Variants in TNIK observed in about 807,000 individuals in gnomAD.
TNIK encodes TRAF2 and NCK-interacting protein kinase.
Under a neutral mutation model 191.3 loss-of-function variants are expected in TNIK, and 49 were observed. The observed-to-expected ratio is 0.26, with a 90% CI of 0.20 to 0.32. TNIK has a LOEUF of 0.32. TNIK is among the 10% of genes least tolerant of loss of function. The pLI, the probability that TNIK is intolerant of heterozygous loss-of-function variation, is 1.00. For synonymous variants in TNIK, 594 were observed against 600.9 expected, an observed-to-expected ratio of 0.99 and a Z score of 0.17; for missense variants, 1,155 against 1,702.3, an observed-to-expected ratio of 0.68 and a Z score of 5.66.
intron 22 of TNIK, among the ~76,000 whole-genome samples, chr3:171,096,122 ACTTTT>A (rs1211445963): frequency 2.6e-5 from 4 of 152,176 alleles, no homozygotes; most frequent in African/African-American, 9.7e-5. Context: ...GAGGGCAGCC[ACTTTT>A]CTTATTTATC....
chr3:171,426,931 T>A (rs1724713161), intron 1 of TNIK, among the ~76,000 whole-genome samples: 1 of 152,014 alleles, frequency 6.6e-6, no homozygotes, highest in South Asian at 2.1e-4. Flanking sequence ...AACAAACCAA[T>A]GAGCAAATGG....
Position 171,145,465 on chromosome 3 carries a change from T to C in TNIK, c.1222-4956A>G, listed in dbSNP as rs7653575. Among the ~76,000 whole-genome samples the C allele has an allele frequency of 1.6e-3, 244 of 152,246 alleles. 2 individuals carry two copies. Among genetic ancestry groups the C allele is most frequent in the African/African-American group, 5.4e-3 (224 of 41,552 alleles). On this transcript the variant is annotated intron_variant, in intron 12 of 32. Coordinates refer to ENST00000436636, the MANE Select transcript of TNIK (RefSeq NM_015028.4). ...TGGGATTGCTGGATCTGGGGATCTATTGGGGGCAGTTTTGATCCTCCCTAT... is the reference window on the plus strand; with the variant it reads ...TGGGATTGCTGGATCTGGGGATCTACTGGGGGCAGTTTTGATCCTCCCTAT...
At chr3:171,259,948 A>G (rs1747382809) in intron 2 of TNIK, among the ~76,000 whole-genome samples, 1 of 152,136 alleles carries the variant, frequency 6.6e-6, no homozygotes, top group African/African-American at 2.4e-5. Flanking sequence ...TGCTTGTCCA[A>G]CCTTTAGTTA....
At chr3:171,139,704 G>A (rs758302642) in intron 13 of TNIK, 148 bp from the exon 14 acceptor site, 12 of 686,264 alleles carry the variant, frequency 1.7e-5, no homozygotes, top group Non-Finnish European at 2.8e-5. Context: ...AGCAGGAAGA[G>A]TATGTCACAT....
intron 2 of TNIK, among the ~76,000 whole-genome samples, chr3:171,275,575 A>G (rs765158755): frequency 7.2e-5 from 11 of 152,204 alleles, no homozygotes; most frequent in Admixed American, 2.0e-4. Flanking sequence ...TCACAAAATT[A>G]TGACTTGATT....
chr3:171,302,212 T>C (rs1191664865), intron 2 of TNIK, among the ~76,000 whole-genome samples: 1 of 152,162 alleles, frequency 6.6e-6, no homozygotes, highest in Non-Finnish European at 1.5e-5. Context: ...AAGCCTGTGT[T>C]CTTGGCCTCA....
chr3:171,157,663 A>T lies in TNIK; in HGVS notation c.1018T>A (p.Ser340Thr). 1 of 1,553,460 alleles carries T rather than the reference A, an allele frequency of 6.4e-7. No individual in the cohort carries two copies. Among genetic ancestry groups the T allele is most frequent in the Non-Finnish European group, 8.7e-7 (1 of 1,148,150 alleles). Residue 340 changes from serine to threonine, a missense_variant and splice_region_variant, in exon 12 of 33, where the codon TCC becomes ACC. Physicochemically the swap from Ser to Thr is moderately conservative, Grantham distance 58. Around this residue, in one of 3 missense-constraint regions of TNIK, gnomAD observed 225 missense variants for 438.9 expected, o/e 0.51. Coordinates refer to ENST00000436636, the MANE Select transcript of TNIK (RefSeq NM_015028.4). ...GACTCCCCTGGCAGATTCAGGATGG[A>T]GCTGTGGGTAGGAGAGAGTGATCAG... ...EEENDSGEPS[S>T]ILNLPGESTL...
intron 1 of TNIK, among the ~76,000 whole-genome samples, chr3:171,414,604 G>A (rs576748109): frequency 9.9e-5 from 15 of 152,174 alleles, no homozygotes; most frequent in Admixed American, 7.9e-4. Context: ...GCTGGAGAAG[G>A]TTCAAGAGCT....
chr3:171,265,963 G>A (rs1041621181), intron 2 of TNIK, among the ~76,000 whole-genome samples: 1 of 152,170 alleles, frequency 6.6e-6, no homozygotes, highest in East Asian at 1.9e-4. Context: ...AGCCGGCCAG[G>A]CTGTCATGGC....
At chr3:171,350,253 TG>T (rs1712920496) in intron 2 of TNIK, among the ~76,000 whole-genome samples, 1 of 152,156 alleles carries the variant, frequency 6.6e-6, no homozygotes, top group Non-Finnish European at 1.5e-5. Context: ...CCTCTGTATT[TG>T]TTCCAGAACA....
At chr3:171,126,917 A>G (rs1266593829) in intron 16 of TNIK, among the ~76,000 whole-genome samples, 11 of 152,250 alleles carry the variant, frequency 7.2e-5, no homozygotes, top group African/African-American at 2.4e-4. Flanking sequence ...GCTCTTAAAG[A>G]CAAATCATTA....
intron 1 of TNIK, among the ~76,000 whole-genome samples, chr3:171,428,483 G>T (rs1724932658): frequency 6.6e-6 from 1 of 151,702 alleles, no homozygotes; most frequent in African/African-American, 2.4e-5. Context: ...ACCGACCAAA[G>T]GTCTTCCTCA....
chr3:171,274,365 G>T (rs1749467140), intron 2 of TNIK, among the ~76,000 whole-genome samples: 1 of 152,116 alleles, frequency 6.6e-6, no homozygotes, highest in South Asian at 2.1e-4. Context: ...TCTCTCTCAG[G>T]TTGCTTATAG....
intron 3 of TNIK, among the ~76,000 whole-genome samples, chr3:171,214,399 CT>C (rs375289147): frequency 2.0e-5 from 3 of 152,304 alleles, no homozygotes; most frequent in African/African-American, 7.2e-5. Flanking sequence ...CATCATGTAT[CT>C]TTTCCTTTGT....
chr3:171,460,134 C>G lies in TNIK; in HGVS notation c.-71G>C. 1 of 1,544,728 alleles carries G rather than the reference C, an allele frequency of 6.5e-7. No homozygotes were observed. The highest frequency in any genetic ancestry group is 8.8e-7 in the Non-Finnish European group (1 of 1,141,608). On this transcript the variant is annotated 5_prime_UTR_variant, in exon 1 of 33. It removes the in-frame stop codon of an upstream open reading frame in the 5' UTR. Coordinates refer to ENST00000436636, the MANE Select transcript of TNIK (RefSeq NM_015028.4). This position sits in a 1 kb window ranked among gnomAD's most constrained non-coding sequence, Gnocchi z 6.8. Reference sequence around the variant, plus strand: ...TTTCCCTTGGAAATTCCACCTTGGTCTATTTCACTCGCGTCCTCATGCGGG... The same window carrying G: ...TTTCCCTTGGAAATTCCACCTTGGTGTATTTCACTCGCGTCCTCATGCGGG...
intron 2 of TNIK, among the ~76,000 whole-genome samples, chr3:171,317,660 C>T (rs1754783883): frequency 6.6e-6 from 1 of 152,176 alleles, no homozygotes; most frequent in Admixed American, 6.6e-5. Context: ...AAAGAAAGCT[C>T]TTTTCACCCT....
At chr3:171,070,561 A>G (rs1719058635) in intron 29 of TNIK, among the ~76,000 whole-genome samples, 1 of 152,164 alleles carries the variant, frequency 6.6e-6, no homozygotes, top group African/African-American at 2.4e-5. Context: ...GGTGCCTGTA[A>G]GTACTGGTCC....
At chr3:171,226,337 A>G (rs1742963009) in intron 3 of TNIK, among the ~76,000 whole-genome samples, 2 of 152,140 alleles carry the variant, frequency 1.3e-5, no homozygotes, top group Non-Finnish European at 1.5e-5. Flanking sequence ...TTTGCCTGCC[A>G]TAAAGTGTGA....
At position 171,068,136 on chromosome 3, in the gene TNIK, C is replaced by T. The variant is rs16855748; in HGVS notation, c.3699+712G>A. ...TCCTAATAAGTGAATCCATGTGCAG[C>T]ATTTCCCTTTAACAGTTATGTTTCA... On this transcript the variant is annotated intron_variant, in intron 30 of 32. Coordinates refer to ENST00000436636, the MANE Select transcript of TNIK (RefSeq NM_015028.4). 4.4e-3 allele frequency among the ~76,000 whole-genome samples: 672 copies of T among 152,232 alleles called. 10 individuals carry two copies. Among genetic ancestry groups the T allele is most frequent in the African/African-American group, 0.015 (641 of 41,566 alleles).
Sources: allele counts gnomAD v4.1 joint callset (sites outside exome capture counted in the v4.1 genomes callset), GRCh38; gene constraint gnomAD v4.1.1; regional missense constraint gnomAD v4.1.1; non-coding constraint Gnocchi (gnomAD v3.1); transcripts MANE v1.5; gene names NCBI Gene and HGNC (gene_info 2026-07-23, HGNC 2026-07-21).